The following FBRSL1 variants were observed in gnomAD, a reference collection of about 807,000 sequenced individuals.
FBRSL1 encodes the protein fibrosin like 1, also known as fibrosin-1-like protein.
A neutral mutation model predicts 89.6 loss-of-function variants in FBRSL1; 51 were observed. The observed-to-expected ratio is 0.57, with a 90% confidence interval of 0.45 to 0.72. FBRSL1 has a LOEUF of 0.72. Ranked by LOEUF, FBRSL1 falls within the 30% of genes least tolerant of loss-of-function variation. The pLI is 0.00. For missense variants in FBRSL1, 1,618 were observed against 1,451.8 expected, an observed-to-expected ratio of 1.11 and a Z score of -1.86; for synonymous variants, 779 against 681.1, an observed-to-expected ratio of 1.14 and a Z score of -2.24.
intron 2 of FBRSL1, among the ~76,000 whole-genome samples, chr12:132,520,579 C>T (rs549922994): frequency 6.6e-6 from 1 of 152,330 alleles, no homozygotes; most frequent in East Asian, 1.9e-4. Flanking sequence ...GGTGCGGCAT[C>T]GGCTCCTCCC....
intron 4 of FBRSL1, among the ~76,000 whole-genome samples, chr12:132,529,925 C>T (rs11146913): frequency 0.34 from 52,522 of 152,248 alleles, 9,833 homozygotes; most frequent in Non-Finnish European, 0.43. Flanking sequence ...TCCTCCTGTG[C>T]TGCATGGGGT....
chr12:132,515,769 G>A (rs1037238861), intron 2 of FBRSL1, among the ~76,000 whole-genome samples: 31 of 151,744 alleles, frequency 2.0e-4, no homozygotes, highest in African/African-American at 1.9e-4. Context: ...GCACGGTGGC[G>A]CACACCTGTA....
chr12:132,565,732 C>T (rs771031958), intron 5 of FBRSL1: 3 of 152,328 alleles, frequency 2.0e-5, no homozygotes, highest in Non-Finnish European at 4.4e-5. Flanking sequence ...GCAGTTGCTT[C>T]CTCCACACAC....
At chr12:132,558,192 C>T (rs2038832063) in intron 5 of FBRSL1, among the ~76,000 whole-genome samples, 2 of 152,234 alleles carry the variant, frequency 1.3e-5, no homozygotes, top group African/African-American at 2.4e-5. Context: ...TGACTTATCC[C>T]TGAGGGCTCC....
intron 15 of FBRSL1, 171 bp from the exon 16 acceptor site, chr12:132,581,268 G>T: frequency 1.0e-6 from 1 of 985,430 alleles, no homozygotes; most frequent in Non-Finnish European, 1.2e-6. Context: ...GAATTGTGGG[G>T]TAGATTCCAC....
Position 132,582,150 on chromosome 12 carries a change from G to A in FBRSL1, c.2085G>A (p.Arg695=). ...ATGAGGCCTGGAACCGACTGCACCG[G>A]GCACCGCCCTCCTTCCCGGCTCCGC... ...SPHEAWNRLH[R]APPSFPAPPP... The change falls in exon 18 of 19, where the codon CGG becomes CGA. Residue 695 remains arginine, a synonymous_variant. Transcript: ENST00000680143. 1 of 1,549,998 alleles carries A rather than the reference G, an allele frequency of 6.5e-7. No homozygotes were observed. Among genetic ancestry groups the A allele is most frequent in the Non-Finnish European group, 8.7e-7 (1 of 1,146,796 alleles).
intron 5 of FBRSL1, among the ~76,000 whole-genome samples, chr12:132,566,939 G>A (rs1370314762): frequency 6.6e-6 from 1 of 152,250 alleles, no homozygotes; most frequent in African/African-American, 2.4e-5. Flanking sequence ...CGGCCCGGGA[G>A]CATAGCGAGG....
intron 4 of FBRSL1, among the ~76,000 whole-genome samples, chr12:132,533,785 A>G (rs1303129817): frequency 6.6e-6 from 1 of 152,228 alleles, no homozygotes; most frequent in Non-Finnish European, 1.5e-5. Context: ...GGAGCACGTC[A>G]CACAGGGTCC....
At chr12:132,555,866 C>T (rs991882268) in intron 5 of FBRSL1, among the ~76,000 whole-genome samples, 1 of 152,142 alleles carries the variant, frequency 6.6e-6, no homozygotes, top group African/African-American at 2.4e-5. Context: ...GGCCTGCAGG[C>T]GGCCCCACCT....
intron 5 of FBRSL1, among the ~76,000 whole-genome samples, chr12:132,550,366 G>A (rs549562219): frequency 6.6e-6 from 1 of 152,304 alleles, no homozygotes; most frequent in Non-Finnish European, 1.5e-5. Flanking sequence ...CCCCGTGATG[G>A]TGGCTCCTTC....
chr12:132,532,911 G>A (rs930972983), intron 4 of FBRSL1, among the ~76,000 whole-genome samples: 20 of 152,204 alleles, frequency 1.3e-4, no homozygotes, highest in African/African-American at 2.9e-4. Flanking sequence ...CCCACCAGCC[G>A]CTGGGGTCCC....
intron 5 of FBRSL1, among the ~76,000 whole-genome samples, chr12:132,558,030 T>TC (rs2038817663): frequency 1.1e-5 from 1 of 87,374 alleles, no homozygotes; most frequent in Non-Finnish European, 2.4e-5. Context: ...TCTCCTCCCC[T>TC]CCCCCCGCCC....
chr12:132,574,244 G>T, intron 12 of FBRSL1, 75 bp from the exon 13 acceptor site: 1 of 1,454,736 alleles, frequency 6.9e-7, no homozygotes, highest in South Asian at 1.5e-5. Flanking sequence ...ACAGCAGACG[G>T]GCTGTGTCCC....
intron 4 of FBRSL1, among the ~76,000 whole-genome samples, chr12:132,540,293 A>T: frequency 2.1e-5 from 1 of 47,790 alleles, no homozygotes; most frequent in Non-Finnish European, 4.1e-5. Context: ...CACACAGCCC[A>T]GTCTCCCAGC....
chr12:132,571,849 C>T (rs983566680), intron 9 of FBRSL1: 7 of 331,582 alleles, frequency 2.1e-5, no homozygotes, highest in Admixed American at 4.7e-5. Flanking sequence ...GGGACCATGA[C>T]TCAGGGTGCC....
chr12:132,569,940 A>G lies in FBRSL1; in HGVS notation c.706A>G (p.Lys236Glu). The change falls in exon 7 of 19, where the codon AAG becomes GAG. Residue 236 changes from lysine to glutamate, a missense_variant. Physicochemically the swap from Lys to Glu is moderately conservative, Grantham distance 56. Transcript: ENST00000680143. ...PGTDKGPALE[K>E]SEAKAGPVPK... ...TCTCTCTGCAGGCCCAGCGCTTGAG[A>G]AGTCGGAGGCCAAGGCCGGGCCGGT... 1 of 1,415,604 alleles carries G rather than the reference A, an allele frequency of 7.1e-7. No homozygotes were observed. Among genetic ancestry groups the G allele is most frequent in the South Asian group, 1.5e-5 (1 of 65,618 alleles). 87.7% of individuals were successfully genotyped at this position (1,415,604 alleles called of 1,614,324 possible).
intron 15 of FBRSL1, among the ~76,000 whole-genome samples, chr12:132,577,952 C>T (rs574397153): frequency 3.9e-5 from 6 of 152,348 alleles, no homozygotes; most frequent in South Asian, 4.1e-4. Context: ...TGTACGCACA[C>T]GTGAAGCATG....
chr12:132,492,945 A>G (rs1400106170), intron 1 of FBRSL1, among the ~76,000 whole-genome samples: 1 of 152,238 alleles, frequency 6.6e-6, no homozygotes, highest in East Asian at 1.9e-4. Flanking sequence ...TCATAATTAT[A>G]TCAATAGTAG....
At chr12:132,560,620 C>A (rs946578520) in intron 5 of FBRSL1, among the ~76,000 whole-genome samples, 8 of 152,134 alleles carry the variant, frequency 5.3e-5, no homozygotes, top group Non-Finnish European at 8.8e-5. Flanking sequence ...CAGGCTGCGC[C>A]GCGTGTCTGG....
Sources: gnomAD v4.1 joint callset for allele counts (sites outside exome capture counted in the v4.1 genomes callset) on GRCh38, gnomAD v4.1.1 for gene constraint, MANE v1.5 for transcripts, NCBI Gene and HGNC (gene_info 2026-07-23, HGNC 2026-07-21) for gene names.